KCNJ4: variants seen among roughly 807,000 people sequenced by gnomAD.
The protein encoded by KCNJ4 is potassium inwardly rectifying channel subfamily J member 4, also known as inward rectifier potassium channel 4.
In KCNJ4, 3 loss-of-function variants were observed where a neutral mutation model predicts 25.6. The ratio of observed to expected loss-of-function variants is 0.12; its 90% CI spans 0.05 to 0.30. KCNJ4 has a LOEUF of 0.30. KCNJ4 is among the 10% of genes least tolerant of loss of function. The pLI is 1.00. For missense variants in KCNJ4, 286 were observed against 666.8 expected (o/e 0.43, Z 6.29); for synonymous variants, 257 against 283.9 (o/e 0.91, Z 0.95).
rs1467531099 is a variant in KCNJ4 at position 38,449,239 on chromosome 22, G to A, written c.-40+5741C>T. Among the ~76,000 whole-genome samples, 1 of 152,182 alleles carries A rather than the reference G, an allele frequency of 6.6e-6. No individual in the cohort carries two copies. Among genetic ancestry groups the A allele is most frequent in the East Asian group, 1.9e-4 (1 of 5,186 alleles). On this transcript the variant is annotated intron_variant, in intron 1 of 1. Transcript: ENST00000303592. This position sits in a 1 kb window ranked among gnomAD's most constrained non-coding sequence, Gnocchi z 5.2. ...ACCTCCCTTCAGGTGGCCAATGAGG[G>A]TCCTGGAGGGGCTGGCACTGGGTGC...
chr22:38,442,544 C>CAAAAAA lies in KCNJ4; in HGVS notation c.-40+12430_-40+12435dup, dbSNP rs10631730. On this transcript the variant is annotated intron_variant, in intron 1 of 1. Coordinates refer to ENST00000303592, the MANE Select transcript of KCNJ4 (RefSeq NM_152868.3). ...CCTGGGTGACAGAGCAAGACTCCAT[C>CAAAAAA]AAAAAAAAAAAAAAAAAAGGACTGT... Among the ~76,000 whole-genome samples the CAAAAAA allele has an allele frequency of 1.1e-4, 10 of 93,904 alleles. 1 individual carries two copies. Among genetic ancestry groups the CAAAAAA allele is most frequent in the African/African-American group, 1.8e-4 (4 of 22,388 alleles). The allele number at this position is 93,904 out of a possible 152,430, so 61.6% of individuals were successfully genotyped here. A position where few individuals can be genotyped will look rare whatever the true frequency, so the allele number is the denominator to read the frequency against.
At chr22:38,430,117 C>T (rs2093045192) in intron 1 of KCNJ4, among the ~76,000 whole-genome samples, 1 of 152,126 alleles carries the variant, frequency 6.6e-6, no homozygotes, top group South Asian at 2.1e-4. Flanking sequence ...TCAAAGAGCT[C>T]CCTGGCTCCT....
rs746135015 is a variant in KCNJ4, at chr22:38,428,045, C to T, written c.88G>A (p.Val30Met). The T allele has an allele frequency of 5.0e-6, 8 of 1,614,182 alleles. No individual in the cohort carries two copies. The highest frequency in any genetic ancestry group is 5.9e-6 in the Non-Finnish European group (7 of 1,179,974). The part of the protein sequence containing the change: ...RFVKKNGQCN[V>M]YFANLSNKSQ... The stretch of plus-strand genomic sequence containing the variant: ...TTGTTGCTCAGGTTGGCGAAGTACA[C>T]GTTGCATTGGCCGTTCTTCTTGACG... Residue 30 changes from valine (V) to methionine (M), a missense_variant, in exon 2 of 2, where the codon GTG becomes ATG. Physicochemically the swap from Val to Met is conservative, Grantham distance 21. Coordinates refer to ENST00000303592, the MANE Select transcript of KCNJ4 (RefSeq NM_152868.3).
In KCNJ4 at chr22:38,428,080, C is replaced by T. The variant is rs1471959235; in HGVS notation, c.53G>A (p.Arg18His). ...GQAHVPRRKR[R>H]NRFVKKNGQC... ...GCCGTTCTTCTTGACGAAGCGGTTG[C>T]GGCGCTTCCGCCGGGGCACGTGGGC... The change falls in exon 2 of 2, where the codon CGC becomes CAC. Residue 18 changes from arginine to histidine, a missense_variant. Transcript: ENST00000303592. The T allele has an allele frequency of 9.3e-6, 15 of 1,613,586 alleles. No individual in the cohort carries two copies. The highest frequency in any genetic ancestry group is 4.4e-5 in the South Asian group (4 of 91,038).
Position 38,427,828 on chromosome 22 carries a change from C to G in KCNJ4, c.305G>C (p.Gly102Ala), listed in dbSNP as rs761910736. Residue 102 changes from glycine to alanine, a missense_variant, in exon 2 of 2, where the codon GGT becomes GCT. This residue lies in a region of KCNJ4 where 22 missense variants were observed against 25.8 expected (regional missense o/e 0.85). Coordinates refer to ENST00000303592, the MANE Select transcript of KCNJ4 (RefSeq NM_152868.3). ...GVPAAGGPAA[G>A]GGGAAPVAPK... is the part of the protein sequence containing the mutation. ...GGCCACCGGGGCTGCTCCGCCACCACCCGCCGCCGGGCCCCCCGCCGCAGG... is the reference window on the plus strand; with the variant it reads ...GGCCACCGGGGCTGCTCCGCCACCAGCCGCCGCCGGGCCCCCCGCCGCAGG... 2 of 1,609,338 alleles carry G rather than the reference C, an allele frequency of 1.2e-6. No homozygotes were observed. The highest frequency in any genetic ancestry group is 1.7e-6 in the Non-Finnish European group (2 of 1,177,920).
intron 1 of KCNJ4, among the ~76,000 whole-genome samples, chr22:38,442,856 C>T (rs948449028): frequency 7.9e-5 from 12 of 152,172 alleles, no homozygotes; most frequent in Non-Finnish European, 1.8e-4. Flanking sequence ...GATCCTCCCA[C>T]CCCAGCCTCT....
chr22:38,446,150 T>C (rs3761450), intron 1 of KCNJ4, among the ~76,000 whole-genome samples: 2,406 of 152,330 alleles, frequency 0.016, 91 homozygotes, highest in East Asian at 0.13. Context: ...GCAGCCCACT[T>C]GACTGTGAGG....
rs543212563 is a variant in KCNJ4 at position 38,439,666 on chromosome 22, T to A, written c.-39-11495A>T. Reference sequence around the variant, plus strand: ...GGTGGACACCTGTAGTCCCAGCTACTCGGGAGGCTGAGGCAGGAGAATGGC... The same window carrying A: ...GGTGGACACCTGTAGTCCCAGCTACACGGGAGGCTGAGGCAGGAGAATGGC... On this transcript the variant is annotated intron_variant, in intron 1 of 1. Coordinates refer to ENST00000303592, the MANE Select transcript of KCNJ4 (RefSeq NM_152868.3). 2.7e-5 allele frequency among the ~76,000 whole-genome samples: 4 copies of A among 147,128 alleles called. No homozygotes were observed. The South Asian group carries it at 6.4e-4, about 24-fold the overall frequency.
Position 38,450,693 on chromosome 22 carries a change from C to T in KCNJ4, c.-40+4287G>A, listed in dbSNP as rs975099093. ...GACAGGCAGCCTGGCCCTAATCTAACTCTCTGGGCACCTTCGGGCAGGTCA... is the reference window on the plus strand; with the variant it reads ...GACAGGCAGCCTGGCCCTAATCTAATTCTCTGGGCACCTTCGGGCAGGTCA... On this transcript the variant is annotated intron_variant, in intron 1 of 1. Coordinates refer to ENST00000303592, the MANE Select transcript of KCNJ4 (RefSeq NM_152868.3). 2.0e-5 allele frequency among the ~76,000 whole-genome samples: 3 copies of T among 152,208 alleles called. No homozygotes were observed. The South Asian group carries it at 6.2e-4, about 32-fold the overall frequency.
chr22:38,441,094 A>T (rs1175447711), intron 1 of KCNJ4, among the ~76,000 whole-genome samples: 1 of 152,000 alleles, frequency 6.6e-6, no homozygotes, highest in Non-Finnish European at 1.5e-5. Context: ...GAAGCTGCAG[A>T]GCAGATGAGG....
At chr22:38,436,238 C>T (rs566740230) in intron 1 of KCNJ4, among the ~76,000 whole-genome samples, 1 of 152,320 alleles carries the variant, frequency 6.6e-6, no homozygotes, top group African/African-American at 2.4e-5. Flanking sequence ...AGTAAGTGAT[C>T]GATAAGGTGC....
rs144527630 is a variant in KCNJ4, at chr22:38,439,427, G to A, written c.-39-11256C>T. On this transcript the variant is annotated intron_variant, in intron 1 of 1. Transcript: ENST00000303592. ...AGCCTGGGCAACAGAGTGAGACTCC[G>A]TCTCAAATAAATAAAATAAAATAAA... is the stretch of plus-strand genomic sequence containing the variant. 5.3e-3 allele frequency among the ~76,000 whole-genome samples: 799 copies of A among 150,296 alleles called. 5 individuals are homozygous for A. The highest frequency in any genetic ancestry group is 0.035 in the Middle Eastern group (10 of 286).
rs776980560 is a variant in KCNJ4, at chr22:38,428,180, G to C, written c.-39-9C>G. On this transcript the variant is annotated splice_polypyrimidine_tract_variant and intron_variant, in intron 1 of 1. Transcript: ENST00000303592. Reference sequence around the variant, plus strand: ...CTGGGAAGACGCAGGGCCTGCGGAGGAGAAGCCGGACAGGTGAGATGCTGG... The same window carrying C: ...CTGGGAAGACGCAGGGCCTGCGGAGCAGAAGCCGGACAGGTGAGATGCTGG... 6.4e-7 allele frequency: 1 copy of C among 1,565,728 alleles called. No homozygotes were observed. Among genetic ancestry groups the C allele is most frequent in the Non-Finnish European group, 8.7e-7 (1 of 1,156,016 alleles).
At chr22:38,435,210 C>T (rs746421457) in intron 1 of KCNJ4, among the ~76,000 whole-genome samples, 1 of 152,066 alleles carries the variant, frequency 6.6e-6, no homozygotes, top group Admixed American at 6.5e-5. Context: ...AGATGGGGGG[C>T]GCTCCTGAGT....
intron 1 of KCNJ4, among the ~76,000 whole-genome samples, chr22:38,432,983 A>T (rs1338864318): frequency 6.6e-6 from 1 of 151,984 alleles, no homozygotes; most frequent in African/African-American, 2.4e-5. Flanking sequence ...AAAAAAGATC[A>T]ATGGTACTGC....
chr22:38,445,384 A>G (rs1276162388), intron 1 of KCNJ4, among the ~76,000 whole-genome samples: 2 of 151,786 alleles, frequency 1.3e-5, no homozygotes, highest in African/African-American at 4.8e-5. Flanking sequence ...CAGAACCTCT[A>G]TCAGGGCGCC....
intron 1 of KCNJ4, among the ~76,000 whole-genome samples, chr22:38,445,826 G>T (rs907789886): frequency 6.6e-6 from 1 of 152,198 alleles, no homozygotes; most frequent in Non-Finnish European, 1.5e-5. Context: ...TGGCCTGAGT[G>T]GGGGTTAGGA....
At position 38,431,919 on chromosome 22, in the gene KCNJ4, C is replaced by A. The variant is rs565038910; in HGVS notation, c.-39-3748G>T. Among the ~76,000 whole-genome samples, 3 of 151,740 alleles carry A rather than the reference C, an allele frequency of 2.0e-5. No homozygotes were observed. In the East Asian group the frequency reaches 5.8e-4, roughly 29 times the overall value. ...GCAGGAGAGGGTCAAAAGGCCTTGA[C>A]AATTCAGTACCATCCTCCTCTGACT... On this transcript the variant is annotated intron_variant, in intron 1 of 1. Coordinates refer to ENST00000303592, the MANE Select transcript of KCNJ4 (RefSeq NM_152868.3).
In KCNJ4 at chr22:38,426,955, G is replaced by A. The variant is rs753595753; in HGVS notation, c.1178C>T (p.Ala393Val). 58 of 1,612,510 alleles carry A rather than the reference G, an allele frequency of 3.6e-5. No individual in the cohort carries two copies. Among genetic ancestry groups the A allele is most frequent in the Non-Finnish European group, 4.3e-5 (51 of 1,179,806 alleles). Residue 393 changes from alanine (A) to valine (V), a missense_variant, in exon 2 of 2, where the codon GCG (alanine) becomes GTG (valine). By Grantham distance (64) the Ala-to-Val change is moderately conservative (BLOSUM62 0). Around this residue, in one of 11 missense-constraint regions of KCNJ4, gnomAD observed 77 missense variants for 97.6 expected, o/e 0.79. Coordinates refer to ENST00000303592, the MANE Select transcript of KCNJ4 (RefSeq NM_152868.3). ...CAGGCCTGCGGCCACCGCGGCCGCC[G>A]CAGCTGCCTCCTCCTCCATCTCCTC... Reference protein sequence around the residue: ...EEEEMEEEAAAAAAVAAGLGL... With the variant: ...EEEEMEEEAAVAAAVAAGLGL...
Sources: gnomAD v4.1 joint callset for allele counts (sites outside exome capture counted in the v4.1 genomes callset) on GRCh38, gnomAD v4.1.1 for gene constraint, gnomAD v4.1.1 regional missense constraint, Gnocchi (gnomAD v3.1) non-coding constraint, MANE v1.5 for transcripts, NCBI Gene and HGNC (gene_info 2026-07-23, HGNC 2026-07-21) for gene names.